Variants in ERBB4 observed in about 807,000 individuals in gnomAD.
ERBB4 encodes the protein erb-b2 receptor tyrosine kinase 4.
Under a neutral mutation model 158.0 loss-of-function variants are expected in ERBB4, and 42 were observed. That is an observed-to-expected ratio of 0.27 (90% confidence interval 0.21 to 0.34). ERBB4 has a LOEUF of 0.34. Ranked by LOEUF, ERBB4 falls within the 10% of genes least tolerant of loss-of-function variation. The pLI, the probability that ERBB4 is intolerant of heterozygous loss-of-function variation, is 1.00. For missense variants in ERBB4, 1,333 were observed against 1,624.1 expected (o/e 0.82, Z 3.08); for synonymous variants, 583 against 558.7 (o/e 1.04, Z -0.61).
intron 9 of ERBB4, among the ~76,000 whole-genome samples, chr2:211,708,773 T>C (rs1277308698): frequency 6.6e-6 from 1 of 152,112 alleles, no homozygotes; most frequent in Non-Finnish European, 1.5e-5. Context: ...ACAATAATCA[T>C]AGGAAATAGG....
chr2:211,489,682 G>T (rs2065290755), intron 20 of ERBB4, among the ~76,000 whole-genome samples: 1 of 151,608 alleles, frequency 6.6e-6, no homozygotes, highest in Non-Finnish European at 1.5e-5. Flanking sequence ...TGAATATGAA[G>T]GTATTGATTT....
At chr2:211,421,623 A>T (rs987633721) in intron 24 of ERBB4, among the ~76,000 whole-genome samples, 2 of 151,892 alleles carry the variant, frequency 1.3e-5, no homozygotes, top group African/African-American at 4.8e-5. Context: ...CACTGTCTTC[A>T]AGCATGGGCA....
chr2:212,289,536 T>C lies in ERBB4; in HGVS notation c.83-164633A>G, dbSNP rs377748322. Among the ~76,000 whole-genome samples the C allele has an allele frequency of 4.6e-5, 7 of 152,196 alleles. 1 individual carries two copies. In the South Asian group the frequency reaches 1.2e-3, roughly 27 times the overall value. ...TACAAGCAAACTTTTATTTACTGTG[T>C]TTCTTTGTGCATCTCTGGTGTCTAT... On this transcript the variant is annotated intron_variant, in intron 1 of 27. Transcript: ENST00000342788.
chr2:212,117,154 A>G (rs1014535694), intron 2 of ERBB4, among the ~76,000 whole-genome samples: 1 of 152,224 alleles, frequency 6.6e-6, no homozygotes, highest in South Asian at 2.1e-4. Flanking sequence ...GGCCTAAATG[A>G]CATGTTACAA....
At chr2:211,878,740 C>A (rs549690860) in intron 3 of ERBB4, among the ~76,000 whole-genome samples, 3 of 148,194 alleles carry the variant, frequency 2.0e-5, no homozygotes, top group Non-Finnish European at 4.4e-5. Context: ...TCACTGCAAC[C>A]TCCGCCTCCT....
intron 17 of ERBB4, among the ~76,000 whole-genome samples, chr2:211,629,093 T>C (rs529674172): frequency 6.6e-6 from 1 of 152,198 alleles, no homozygotes; most frequent in Non-Finnish European, 1.5e-5. Context: ...ATGAGTAGAT[T>C]GTAAAAATTT....
chr2:212,419,083 T>C (rs989118579), intron 1 of ERBB4, among the ~76,000 whole-genome samples: 3 of 151,658 alleles, frequency 2.0e-5, no homozygotes, highest in South Asian at 2.1e-4. Flanking sequence ...CTTCTTACTA[T>C]GTATACAGTA....
intron 2 of ERBB4, among the ~76,000 whole-genome samples, chr2:212,032,129 G>T (rs1379875238): frequency 6.6e-6 from 1 of 152,090 alleles, no homozygotes; most frequent in Non-Finnish European, 1.5e-5. Context: ...CATTTCATAT[G>T]CAATGTTGAT....
chr2:211,433,470 A>G (rs1476944040), intron 20 of ERBB4, among the ~76,000 whole-genome samples: 2 of 151,774 alleles, frequency 1.3e-5, no homozygotes, highest in East Asian at 3.9e-4. Flanking sequence ...AGTCCCAGCT[A>G]CTCGGGAGGC....
intron 20 of ERBB4, among the ~76,000 whole-genome samples, chr2:211,513,171 C>T (rs1179671248): frequency 6.6e-6 from 1 of 151,808 alleles, no homozygotes; most frequent in Non-Finnish European, 1.5e-5. Context: ...AACTGTCAAC[C>T]ATGCTGTTTG....
chr2:212,480,929 T>C (rs567695563), intron 1 of ERBB4, among the ~76,000 whole-genome samples: 1 of 151,968 alleles, frequency 6.6e-6, no homozygotes, highest in African/African-American at 2.4e-5. Context: ...TTAATTTACA[T>C]AAACATAATT....
At chr2:212,515,589 A>T (rs1406384948) in intron 1 of ERBB4, among the ~76,000 whole-genome samples, 1 of 152,022 alleles carries the variant, frequency 6.6e-6, no homozygotes. Flanking sequence ...AATAACATTT[A>T]TATTTCACAT....
At chr2:211,964,403 G>GT (rs2081260781) in intron 2 of ERBB4, among the ~76,000 whole-genome samples, 3 of 152,102 alleles carry the variant, frequency 2.0e-5, no homozygotes, top group African/African-American at 4.8e-5. Context: ...TTCAACAGAT[G>GT]TTTTTTCGGA....
intron 1 of ERBB4, among the ~76,000 whole-genome samples, chr2:212,337,114 A>G (rs966132028): frequency 2.0e-5 from 3 of 152,022 alleles, no homozygotes; most frequent in East Asian, 1.9e-4. Flanking sequence ...TTTTTTTCCA[A>G]TAGATTTGCT....
intron 3 of ERBB4, among the ~76,000 whole-genome samples, chr2:211,904,637 T>A (rs1329858050): frequency 6.6e-6 from 1 of 152,132 alleles, no homozygotes; most frequent in Non-Finnish European, 1.5e-5. Flanking sequence ...ATCCCACAGT[T>A]GATTAATAGT....
At chr2:211,569,054 G>T (rs2067636714) in intron 19 of ERBB4, among the ~76,000 whole-genome samples, 1 of 152,134 alleles carries the variant, frequency 6.6e-6, no homozygotes, top group Non-Finnish European at 1.5e-5. Context: ...TTGCTCAGTA[G>T]CCTTACCACT....
At chr2:211,917,302 T>A (rs1464684624) in intron 3 of ERBB4, among the ~76,000 whole-genome samples, 1 of 147,728 alleles carries the variant, frequency 6.8e-6, no homozygotes, top group Non-Finnish European at 1.5e-5. Flanking sequence ...CCATGCTGTG[T>A]GCTACAGAGA....
chr2:212,120,660 G>A (rs1479781588), intron 2 of ERBB4, among the ~76,000 whole-genome samples: 4 of 151,946 alleles, frequency 2.6e-5, no homozygotes, highest in Middle Eastern at 3.2e-3. Context: ...ATGAAAATAC[G>A]GATAAAAATC....
intron 2 of ERBB4, among the ~76,000 whole-genome samples, chr2:212,024,477 CAGA>C (rs2076728571): frequency 2.6e-5 from 4 of 151,522 alleles, no homozygotes; most frequent in Admixed American, 2.6e-4. Flanking sequence ...CGTGTTCACA[CAGA>C]AGTTCTAAGA....
Sources: allele counts gnomAD v4.1 joint callset (sites outside exome capture counted in the v4.1 genomes callset), GRCh38; gene constraint gnomAD v4.1.1; transcripts MANE v1.5; gene names NCBI Gene and HGNC (gene_info 2026-07-23, HGNC 2026-07-21).